The following TCF4 variants were observed in gnomAD, a reference collection of about 807,000 sequenced individuals.
TCF4 encodes transcription factor 4, also known as SL3-3 enhancer factor 2.
Under a neutral mutation model 82.1 loss-of-function variants are expected in TCF4, and 3 were observed. That is an observed-to-expected ratio of 0.04 (90% CI 0.02 to 0.09). The LOEUF (loss-of-function observed/expected upper bound fraction) is 0.09, where lower values mean the gene tolerates loss of function less well. Ranked by LOEUF, TCF4 falls within the 10% of genes least tolerant of loss-of-function variation. TCF4 has a pLI of 1.00. For synonymous variants in TCF4, 276 were observed against 309.6 expected (o/e 0.89, Z 1.14); for missense variants, 518 against 852.7 (o/e 0.61, Z 4.89).
intron 15 of TCF4, among the ~76,000 whole-genome samples, chr18:55,250,738 A>T (rs915593822): frequency 6.6e-6 from 1 of 152,180 alleles, no homozygotes; most frequent in African/African-American, 2.4e-5. Flanking sequence ...TCTATGGATG[A>T]TCTATTTACA....
rs960447883 is a variant in TCF4, at chr18:55,417,722, T to A, written c.305-14204A>T. The stretch of plus-strand genomic sequence containing the variant: ...ATAATATTTGTCATTAGGGACAACG[T>A]AATGTAAAGATTTGTACTTAATCAA... On this transcript the variant is annotated intron_variant, in intron 5 of 19. Coordinates refer to ENST00000354452, the MANE Select transcript of TCF4 (RefSeq NM_001083962.2). 5.9e-5 allele frequency among the ~76,000 whole-genome samples: 9 copies of A among 152,218 alleles called. No homozygotes were observed. The South Asian group carries it at 1.7e-3, about 28-fold the overall frequency.
intron 8 of TCF4, among the ~76,000 whole-genome samples, chr18:55,287,331 T>G (rs562147892): frequency 6.6e-6 from 1 of 152,336 alleles, no homozygotes; most frequent in South Asian, 2.1e-4. Flanking sequence ...TCGCATAATT[T>G]TCCCGGCTTC....
intron 2 of TCF4, among the ~76,000 whole-genome samples, chr18:55,618,516 T>C (rs997026670): frequency 5.9e-5 from 9 of 152,236 alleles, no homozygotes; most frequent in Non-Finnish European, 7.4e-5. Context: ...GGTTTGTCAA[T>C]TTTATCTTTT....
At chr18:55,594,122 C>A (rs1262329117) in intron 2 of TCF4, among the ~76,000 whole-genome samples, 3 of 152,200 alleles carry the variant, frequency 2.0e-5, no homozygotes, top group Non-Finnish European at 4.4e-5. Context: ...CAGTCCTCTA[C>A]ACACCCCAGG....
intron 6 of TCF4, among the ~76,000 whole-genome samples, chr18:55,387,268 T>C (rs763385115): frequency 2.0e-5 from 3 of 152,228 alleles, no homozygotes; most frequent in African/African-American, 4.8e-5. Context: ...AAATACAGCA[T>C]TGCCTGCCCT....
intron 6 of TCF4, among the ~76,000 whole-genome samples, chr18:55,375,510 C>A (rs1473260019): frequency 6.6e-6 from 1 of 152,136 alleles, no homozygotes; most frequent in Non-Finnish European, 1.5e-5. Context: ...TTCCACTATT[C>A]TCTTAACACT....
At chr18:55,386,619 A>G (rs1006862050) in intron 6 of TCF4, among the ~76,000 whole-genome samples, 6 of 152,238 alleles carry the variant, frequency 3.9e-5, no homozygotes, top group African/African-American at 1.2e-4. Flanking sequence ...AATTCAAACA[A>G]TACAGGAGCA....
At chr18:55,614,684 A>G (rs2097710159) in intron 2 of TCF4, among the ~76,000 whole-genome samples, 1 of 152,186 alleles carries the variant, frequency 6.6e-6, no homozygotes, top group Non-Finnish European at 1.5e-5. Context: ...ATAATCTGGA[A>G]GTATTTTCTA....
intron 3 of TCF4, among the ~76,000 whole-genome samples, chr18:55,565,769 C>CA (rs550227672): frequency 8.8e-4 from 126 of 142,866 alleles, no homozygotes; most frequent in South Asian, 3.3e-3. Flanking sequence ...ACTATGAAGC[C>CA]AAAAAAAAAA....
chr18:55,447,400 C>T (rs1190993956), intron 5 of TCF4, among the ~76,000 whole-genome samples: 1 of 152,106 alleles, frequency 6.6e-6, no homozygotes, highest in East Asian at 1.9e-4. Flanking sequence ...ATTTCCCCAA[C>T]TCTCTGAATT....
At chr18:55,538,018 G>GCA (rs1491182391) in intron 3 of TCF4, among the ~76,000 whole-genome samples, 27 of 55,124 alleles carry the variant, frequency 4.9e-4, no homozygotes, top group African/African-American at 1.3e-3. Flanking sequence ...TTGCTAGTCT[G>GCA]CGCGCGCGCA....
intron 3 of TCF4, among the ~76,000 whole-genome samples, chr18:55,506,598 T>C (rs917596282): frequency 6.6e-6 from 1 of 151,922 alleles, no homozygotes; most frequent in African/African-American, 2.4e-5. Context: ...CACAAAAATA[T>C]TTCCACAAGC....
chr18:55,441,039 T>C (rs1285414893), intron 5 of TCF4, among the ~76,000 whole-genome samples: 1 of 152,230 alleles, frequency 6.6e-6, no homozygotes, highest in Non-Finnish European at 1.5e-5. Flanking sequence ...AAGGCTGTGG[T>C]TCTGCCTACA....
At chr18:55,307,312 T>C (rs958119456) in intron 8 of TCF4, among the ~76,000 whole-genome samples, 4 of 152,194 alleles carry the variant, frequency 2.6e-5, no homozygotes, top group Admixed American at 6.5e-5. Flanking sequence ...TGTCAAATAG[T>C]AAAAATATGT....
rs57686777 is a variant in TCF4 at position 55,538,026 on chromosome 18, GCACACACACACACA to G, written c.145+47240_145+47253del. Among the ~76,000 whole-genome samples, 544 of 131,574 alleles carry G rather than the reference GCACACACACACACA, an allele frequency of 4.1e-3. 3 individuals are homozygous for G. Among genetic ancestry groups the G allele is most frequent in the Middle Eastern group, 0.019 (5 of 264 alleles). The allele number at this position is 131,574 out of a possible 152,430, so 86.3% of individuals were successfully genotyped here. A position where few individuals can be genotyped will look rare whatever the true frequency, so the allele number is the denominator to read the frequency against. On this transcript the variant is annotated intron_variant, in intron 3 of 19. Transcript: ENST00000354452. Reference sequence around the variant, plus strand: ...CTGGATTTTGCTAGTCTGCGCGCGCGCACACACACACACACACACACACACACACACACACACAC... The same window carrying G: ...CTGGATTTTGCTAGTCTGCGCGCGCGCACACACACACACACACACACACAC...
At chr18:55,361,650 G>A (rs368071511) in intron 6 of TCF4, among the ~76,000 whole-genome samples, 2 of 152,090 alleles carry the variant, frequency 1.3e-5, no homozygotes, top group Admixed American at 6.5e-5. Flanking sequence ...CCTCTACCCC[G>A]GGCTTCAGGC....
At chr18:55,560,087 T>C (rs149818338) in intron 3 of TCF4, among the ~76,000 whole-genome samples, 38 of 152,336 alleles carry the variant, frequency 2.5e-4, no homozygotes, top group Non-Finnish European at 4.3e-4. Flanking sequence ...AGTTAACTTA[T>C]CTTCACCATT....
chr18:55,531,719 A>C (rs189112678), intron 3 of TCF4, among the ~76,000 whole-genome samples: 1 of 152,364 alleles, frequency 6.6e-6, no homozygotes, highest in East Asian at 1.9e-4. Context: ...TCAGAATACC[A>C]ATAAAGCCTA....
chr18:55,530,483 G>A (rs2097048075), intron 3 of TCF4, among the ~76,000 whole-genome samples: 1 of 138,536 alleles, frequency 7.2e-6, no homozygotes, highest in Admixed American at 8.1e-5. Context: ...TGAAGAAGAG[G>A]CTAAAACAGG....
Sources: allele counts gnomAD v4.1 joint callset (sites outside exome capture counted in the v4.1 genomes callset), GRCh38; gene constraint gnomAD v4.1.1; transcripts MANE v1.5; gene names NCBI Gene and HGNC (gene_info 2026-07-23, HGNC 2026-07-21).